FAT4: variants seen among roughly 807,000 people sequenced by gnomAD.
The protein encoded by FAT4 is FAT atypical cadherin 4.
FAT4 carries 84 observed loss-of-function variants against 303.9 expected under a neutral mutation model. The ratio of observed to expected loss-of-function variants is 0.28; its 90% CI spans 0.23 to 0.33. FAT4 has a LOEUF of 0.33. Ranked by LOEUF, FAT4 falls within the 10% of genes least tolerant of loss-of-function variation. The pLI is 1.00. For missense variants in FAT4, 6,005 were observed against 6,146.8 expected (o/e 0.98, Z 0.77); for synonymous variants, 2,307 against 2,298.8 (o/e 1.00, Z -0.10).
chr4:125,323,568 A>C (rs920638600), intron 2 of FAT4, among the ~76,000 whole-genome samples: 10 of 152,120 alleles, frequency 6.6e-5, no homozygotes, highest in African/African-American at 2.4e-4. Flanking sequence ...TGAAATTGTA[A>C]ACCCAATTTG....
chr4:125,382,014 T>A (rs978122052), intron 2 of FAT4, among the ~76,000 whole-genome samples: 3 of 152,210 alleles, frequency 2.0e-5, no homozygotes, highest in African/African-American at 7.2e-5. Flanking sequence ...TTCAGTCACA[T>A]CTTTTGGCTC....
At chr4:125,477,377 C>T in intron 14 of FAT4, 43 bp downstream of exon 14, 4 of 1,473,422 alleles carry the variant, frequency 2.7e-6, no homozygotes, top group African/African-American at 1.5e-5. Flanking sequence ...AAAAAAAATG[C>T]AAAAAAGTAT....
chr4:125,437,810 A>G (rs79024970), intron 8 of FAT4, among the ~76,000 whole-genome samples: 6,120 of 152,282 alleles, frequency 0.04, 418 homozygotes, highest in African/African-American at 0.14. Flanking sequence ...TACTATTACT[A>G]TTGCATTAGT....
At chr4:125,408,378 T>G (rs1371904696) in intron 4 of FAT4, 66 bp from the exon 5 acceptor site, 1 of 1,075,992 alleles carries the variant, frequency 9.3e-7, no homozygotes, top group African/African-American at 1.6e-5. Context: ...GGTCTCTTTC[T>G]ATATGTTCTC....
chr4:125,417,410 G>A (rs1735117203), intron 7 of FAT4, among the ~76,000 whole-genome samples: 1 of 152,082 alleles, frequency 6.6e-6, no homozygotes, highest in Admixed American at 6.6e-5. Context: ...CTGGTTCCAG[G>A]GAGCCAAACT....
At position 125,450,581 on chromosome 4, in the gene FAT4, G is replaced by A. The variant is rs1293886721; in HGVS notation, c.9571G>A (p.Asp3191Asn). The A allele has an allele frequency of 6.2e-7, 1 of 1,614,122 alleles. No homozygotes were observed. The highest frequency in any genetic ancestry group is 1.7e-5 in the Admixed American group (1 of 60,008). Residue 3191 changes from aspartate to asparagine, a missense_variant, in exon 10 of 18, where the codon GAT (aspartate) becomes AAT (asparagine). Asp to Asn is a conservative substitution (Grantham distance 23, BLOSUM62 1). Coordinates refer to ENST00000394329, the MANE Select transcript of FAT4 (RefSeq NM_001291303.3). The part of the protein sequence containing the change: ...SVTVNVIDVN[D>N]NSPVFLSDDY... ...GACCGTAAATGTGATTGATGTGAAT[G>A]ATAATTCTCCAGTATTCCTCTCTGA... is the stretch of plus-strand genomic sequence containing the variant.
intron 7 of FAT4, among the ~76,000 whole-genome samples, chr4:125,422,395 G>C (rs1400402803): frequency 6.6e-6 from 1 of 152,148 alleles, no homozygotes; most frequent in African/African-American, 2.4e-5. Flanking sequence ...ATCCCCATGT[G>C]TCATGGGAGG....
Position 125,449,222 on chromosome 4 carries a change from G to A in FAT4, c.8212G>A (p.Val2738Ile). The change falls in exon 10 of 18, where the codon GTA becomes ATA. Residue 2738 changes from valine (V) to isoleucine (I), a missense_variant. By Grantham distance (29) the Val-to-Ile change is conservative. Coordinates refer to ENST00000394329, the MANE Select transcript of FAT4 (RefSeq NM_001291303.3). ...RSVRPLDREK[V>I]SHYVLTIKSS... The stretch of plus-strand genomic sequence containing the variant: ...CGTTAGACCTTTGGACAGGGAAAAA[G>A]TATCTCATTATGTCCTAACCATAAA... 1 of 1,613,922 alleles carries A rather than the reference G, an allele frequency of 6.2e-7. No homozygotes were observed. The highest frequency in any genetic ancestry group is 8.5e-7 in the Non-Finnish European group (1 of 1,179,910).
chr4:125,460,526 A>G (rs2126068803), intron 10 of FAT4, among the ~76,000 whole-genome samples: 1 of 152,200 alleles, frequency 6.6e-6, no homozygotes, highest in East Asian at 1.9e-4. Context: ...ATAAGTGAGA[A>G]CAGGTGGTAT....
chr4:125,321,387 C>T lies in FAT4; in HGVS notation c.4976C>T (p.Ser1659Phe). ...ATAGAAGCAGCTAGCCCCAGAGGAT[C>T]TGAGGCCCCAGTGGAGTATTATATT... ...ISIEAASPRG[S>F]EAPVEYYIVS... The change falls in exon 2 of 18, where the codon TCT (serine) becomes TTT (phenylalanine). Residue 1659 changes from serine (S) to phenylalanine (F), a missense_variant. Ser to Phe is a radical substitution (Grantham distance 155). Coordinates refer to ENST00000394329, the MANE Select transcript of FAT4 (RefSeq NM_001291303.3). 6.2e-7 allele frequency: 1 copy of T among 1,614,122 alleles called. No homozygotes were observed. The highest frequency in any genetic ancestry group is 8.5e-7 in the Non-Finnish European group (1 of 1,179,992).
chr4:125,390,439 T>C (rs1733936876), intron 2 of FAT4, among the ~76,000 whole-genome samples: 2 of 152,158 alleles, frequency 1.3e-5, no homozygotes, highest in African/African-American at 4.8e-5. Context: ...GTTGTACTGA[T>C]ATTGGTGTGG....
At position 125,449,363 on chromosome 4, in the gene FAT4, G is replaced by A. The variant is rs1725956049; in HGVS notation, c.8353G>A (p.Glu2785Lys). ...FSQIFSAHVPENSPLGYTVTR... is the reference protein window; with the variant it reads ...FSQIFSAHVPKNSPLGYTVTR... ...TCAGATATTTAGTGCCCATGTTCCT[G>A]AAAATTCCCCCTTAGGATACACAGT... The change falls in exon 10 of 18, where the codon GAA becomes AAA. Residue 2785 changes from glutamate (E) to lysine (K), a missense_variant. Transcript: ENST00000394329. 2 of 1,613,770 alleles carry A rather than the reference G, an allele frequency of 1.2e-6. No homozygotes were observed. Among genetic ancestry groups the A allele is most frequent in the Non-Finnish European group, 8.5e-7 (1 of 1,179,868 alleles).
intron 2 of FAT4, among the ~76,000 whole-genome samples, chr4:125,354,887 T>C (rs1489323738): frequency 6.6e-6 from 1 of 151,826 alleles, no homozygotes; most frequent in African/African-American, 2.4e-5. Flanking sequence ...ACTCCTAGTA[T>C]GGTTTCTGAG....
At chr4:125,473,942 C>T (rs979617891) in intron 12 of FAT4, among the ~76,000 whole-genome samples, 3 of 151,990 alleles carry the variant, frequency 2.0e-5, no homozygotes, top group Non-Finnish European at 4.4e-5. Context: ...CTGAATTTGT[C>T]ATTTTCTACA....
At chr4:125,461,289 A>G (rs901055034) in intron 10 of FAT4, among the ~76,000 whole-genome samples, 1 of 152,076 alleles carries the variant, frequency 6.6e-6, no homozygotes, top group African/African-American at 2.4e-5. Flanking sequence ...ATTTGTTGCT[A>G]TTTAACTCAA....
At chr4:125,396,958 ATATATAT>A (rs1560797515) in intron 2 of FAT4, among the ~76,000 whole-genome samples, 9 of 81,162 alleles carry the variant, frequency 1.1e-4, no homozygotes, top group African/African-American at 3.6e-4. Flanking sequence ...ATATATATAT[ATATATAT>A]AAAATATGTA....
At chr4:125,429,677 AT>A (rs147511739) in intron 7 of FAT4, among the ~76,000 whole-genome samples, 2,290 of 152,306 alleles carry the variant, frequency 0.015, 63 homozygotes, top group African/African-American at 0.053. Context: ...GTTCAATGAA[AT>A]ATGTATAACA....
intron 2 of FAT4, among the ~76,000 whole-genome samples, chr4:125,382,897 A>C (rs1198199916): frequency 6.6e-6 from 1 of 152,110 alleles, no homozygotes; most frequent in African/African-American, 2.4e-5. Flanking sequence ...TGTTATGGAG[A>C]TGCCTTCTTC....
At chr4:125,381,873 TTTG>T (rs1560789109) in intron 2 of FAT4, among the ~76,000 whole-genome samples, 1 of 152,246 alleles carries the variant, frequency 6.6e-6, no homozygotes, top group African/African-American at 2.4e-5. Flanking sequence ...TTCTAAATAT[TTTG>T]TTGTCATTTC....
Sources: gnomAD v4.1 joint callset for allele counts (sites outside exome capture counted in the v4.1 genomes callset) on GRCh38, gnomAD v4.1.1 for gene constraint, MANE v1.5 for transcripts, NCBI Gene and HGNC (gene_info 2026-07-23, HGNC 2026-07-21) for gene names.